FOXP1: variants seen among roughly 807,000 people sequenced by gnomAD.
FOXP1 encodes forkhead box P1.
FOXP1 carries 15 observed loss-of-function variants against 98.2 expected under a neutral mutation model. The observed-to-expected ratio is 0.15, with a 90% CI of 0.10 to 0.24. FOXP1 has a LOEUF of 0.24. Among genes scored for constraint, FOXP1 ranks in the 10% least tolerant of loss-of-function variants. The pLI is 1.00. For synonymous variants in FOXP1, 371 were observed against 314.5 expected, an observed-to-expected ratio of 1.18 and a Z score of -1.90; for missense variants, 633 against 848.5, an observed-to-expected ratio of 0.75 and a Z score of 3.15.
At chr3:71,577,716 A>T (rs1236194504) in intron 2 of FOXP1, among the ~76,000 whole-genome samples, 2 of 152,104 alleles carry the variant, frequency 1.3e-5, no homozygotes, top group Non-Finnish European at 2.9e-5. Context: ...CCAAGTGCAA[A>T]CCTACTTGGC....
chr3:71,531,160 T>C (rs1256121994), intron 2 of FOXP1, among the ~76,000 whole-genome samples: 1 of 152,224 alleles, frequency 6.6e-6, no homozygotes, highest in Non-Finnish European at 1.5e-5. Flanking sequence ...TATAATTTCT[T>C]CCGGGCCCAG....
In FOXP1 at chr3:71,434,921, G is replaced by A. The variant is rs139231960; in HGVS notation, c.-168+58505C>T. 1.4e-4 allele frequency among the ~76,000 whole-genome samples: 22 copies of A among 151,954 alleles called. No homozygotes were observed. In the East Asian group the frequency reaches 3.7e-3, roughly 26 times the overall value. On this transcript the variant is annotated intron_variant, in intron 3 of 20. Coordinates refer to ENST00000649528, the MANE Select transcript of FOXP1 (RefSeq NM_001349338.3). ...TCCTGACCGCCAAACAGTTTAAAGC[G>A]CTTGGCTAACAGGCCCCCGTCACCT...
intron 11 of FOXP1, among the ~76,000 whole-genome samples, chr3:71,040,690 G>A (rs1416203644): frequency 6.6e-6 from 1 of 152,146 alleles, no homozygotes; most frequent in Non-Finnish European, 1.5e-5. Flanking sequence ...CAGCTGCTGA[G>A]ACAATACTAC....
In FOXP1 at chr3:71,568,227, A is replaced by C. The variant is rs561967185; in HGVS notation, c.-298+13322T>G. ...ATGGCTAAGATGTTGTACTCAATGCATATCTAGGAGAAGGTATGTGCTTCC... is the reference window on the plus strand; with the variant it reads ...ATGGCTAAGATGTTGTACTCAATGCCTATCTAGGAGAAGGTATGTGCTTCC... On this transcript the variant is annotated intron_variant, in intron 2 of 20. Coordinates refer to ENST00000649528, the MANE Select transcript of FOXP1 (RefSeq NM_001349338.3). Among the ~76,000 whole-genome samples the C allele has an allele frequency of 4.6e-5, 7 of 152,322 alleles. No individual in the cohort carries two copies. The East Asian group carries it at 1.2e-3, about 25-fold the overall frequency.
intron 5 of FOXP1, among the ~76,000 whole-genome samples, chr3:71,285,987 C>T (rs566715207): frequency 2.6e-5 from 4 of 152,232 alleles, no homozygotes; most frequent in South Asian, 4.1e-4. Flanking sequence ...TGTTGTTAGG[C>T]GATTTTGCTA....
chr3:71,290,158 T>C (rs1560250203), intron 5 of FOXP1, among the ~76,000 whole-genome samples: 1 of 152,158 alleles, frequency 6.6e-6, no homozygotes, highest in East Asian at 1.9e-4. Flanking sequence ...TTACCTCCCC[T>C]ACCTCCAAAA....
intron 12 of FOXP1, among the ~76,000 whole-genome samples, chr3:71,006,744 C>G (rs1304472601): frequency 6.6e-6 from 1 of 152,100 alleles, no homozygotes; most frequent in Non-Finnish European, 1.5e-5. Flanking sequence ...AACAATGCAT[C>G]TACAGTGATA....
At chr3:71,391,640 C>T (rs1320341592) in intron 3 of FOXP1, among the ~76,000 whole-genome samples, 4 of 152,216 alleles carry the variant, frequency 2.6e-5, no homozygotes, top group African/African-American at 9.6e-5. Flanking sequence ...CGGAGCGTTA[C>T]TACACTGAAC....
intron 7 of FOXP1, among the ~76,000 whole-genome samples, chr3:71,105,026 G>C (rs2057307928): frequency 6.6e-6 from 1 of 152,164 alleles, no homozygotes; most frequent in South Asian, 2.1e-4. Flanking sequence ...CCAATCTGTT[G>C]CTTTTACAAG....
Position 71,258,042 on chromosome 3 carries a change from C to T in FOXP1, c.-12+41778G>A, listed in dbSNP as rs546482790. On this transcript the variant is annotated intron_variant, in intron 5 of 20. Transcript: ENST00000649528. ...TTATTACTGCGCTTAATAACATCCA[C>T]GGAGCGCCTACGAATATCTACATAG... 2.8e-3 allele frequency among the ~76,000 whole-genome samples: 431 copies of T among 152,272 alleles called. 3 individuals carry two copies. Among genetic ancestry groups the T allele is most frequent in the African/African-American group, 9.9e-3 (410 of 41,542 alleles).
intron 11 of FOXP1, among the ~76,000 whole-genome samples, chr3:71,019,746 G>C (rs1005495767): frequency 1.3e-5 from 2 of 152,016 alleles, no homozygotes; most frequent in East Asian, 3.9e-4. Context: ...CAGGAGAATC[G>C]CTTGAACCTG....
chr3:71,055,422 G>T (rs2050486435), intron 7 of FOXP1, among the ~76,000 whole-genome samples: 1 of 152,152 alleles, frequency 6.6e-6, no homozygotes, highest in Admixed American at 6.5e-5. Context: ...TTTAAGTGTA[G>T]ATGTAGATAC....
chr3:71,101,272 G>A (rs528098640), intron 7 of FOXP1, among the ~76,000 whole-genome samples: 7 of 152,280 alleles, frequency 4.6e-5, no homozygotes, highest in South Asian at 2.1e-4. Context: ...ATGTGAAGGC[G>A]AGCTAAGAGA....
In FOXP1 at chr3:70,959,074, A is replaced by C; in HGVS notation, c.*173T>G. 1.4e-6 allele frequency: 1 copy of C among 706,728 alleles called. No homozygotes were observed. Among genetic ancestry groups the C allele is most frequent in the Non-Finnish European group, 2.3e-6 (1 of 426,462 alleles). 43.8% of individuals were successfully genotyped at this position (706,728 alleles called of 1,614,324 possible). ...AAGTAGAAAAATCAAAAATACTCCC[A>C]AATGGGGTTCTTGATGGCACTAAGA... On this transcript the variant is annotated 3_prime_UTR_variant, in exon 21 of 21. Transcript: ENST00000649528.
Position 71,583,629 on chromosome 3 carries a change from GC to G in FOXP1, c.-506del. 1 of 983,418 alleles carries G rather than the reference GC, an allele frequency of 1.0e-6. No individual in the cohort carries two copies. The highest frequency in any genetic ancestry group is 1.8e-5 in the African/African-American group (1 of 56,730). The allele number at this position is 983,418 out of a possible 1,614,324, so 60.9% of individuals were successfully genotyped here. ...TGTTTTCGGGCCTTTCCCCGCGCGC[GC>G]CCACTCCCGCCCGCGCGCGCACCCC... On this transcript the variant is annotated 5_prime_UTR_variant, in exon 1 of 21. Transcript: ENST00000649528.
intron 3 of FOXP1, among the ~76,000 whole-genome samples, chr3:71,429,195 G>A (rs1180783563): frequency 6.6e-6 from 1 of 152,110 alleles, no homozygotes; most frequent in East Asian, 1.9e-4. Flanking sequence ...CCATGGGTGG[G>A]GGCAACCAGA....
intron 5 of FOXP1, among the ~76,000 whole-genome samples, chr3:71,280,828 T>C (rs964796898): frequency 1.3e-5 from 2 of 151,958 alleles, no homozygotes; most frequent in African/African-American, 4.8e-5. Flanking sequence ...ATGTTTGCTT[T>C]CGTATTTATG....
intron 3 of FOXP1, among the ~76,000 whole-genome samples, chr3:71,395,328 C>T (rs980932932): frequency 2.7e-5 from 4 of 149,594 alleles, no homozygotes; most frequent in South Asian, 4.3e-4. Context: ...ACTAGTTCTG[C>T]TGCCTTGAGT....
At chr3:71,358,949 G>A (rs567544103) in intron 4 of FOXP1, among the ~76,000 whole-genome samples, 45 of 152,074 alleles carry the variant, frequency 3.0e-4, no homozygotes, top group Non-Finnish European at 4.9e-4. Flanking sequence ...TATGATCCCC[G>A]TTATGAACCC....
Sources: allele counts gnomAD v4.1 joint callset (sites outside exome capture counted in the v4.1 genomes callset), GRCh38; gene constraint gnomAD v4.1.1; transcripts MANE v1.5; gene names NCBI Gene and HGNC (gene_info 2026-07-23, HGNC 2026-07-21).